Variants in SEC31A observed in about 807,000 individuals in gnomAD.
SEC31A encodes SEC31 homolog A, COPII component.
Under a neutral mutation model 151.0 loss-of-function variants are expected in SEC31A, and 70 were observed. That is an observed-to-expected ratio of 0.46 (90% CI 0.38 to 0.57). SEC31A has a LOEUF of 0.57. Among genes scored for constraint, SEC31A ranks in the 20% least tolerant of loss-of-function variants. The pLI, the probability that SEC31A is intolerant of heterozygous loss-of-function variation, is 0.00. For synonymous variants in SEC31A, 475 were observed against 505.9 expected, an observed-to-expected ratio of 0.94 and a Z score of 0.82; for missense variants, 1,330 against 1,471.2, an observed-to-expected ratio of 0.90 and a Z score of 1.57.
At chr4:82,844,210 A>G (rs1729544256) in intron 21 of SEC31A, 176 bp downstream of exon 21, 2 of 594,484 alleles carry the variant, frequency 3.4e-6, no homozygotes. Context: ...ACTTCCTAGC[A>G]TAGTGATTCA....
chr4:82,894,376 T>C (rs1160385488), upstream of SEC31A: 2 of 152,238 alleles, frequency 1.3e-5, no homozygotes, highest in African/African-American at 2.4e-5. Flanking sequence ...TTATTTAAAA[T>C]TTCCATTGAA....
At chr4:82,868,808 A>G (rs764986468) in intron 8 of SEC31A, among the ~76,000 whole-genome samples, 10 of 151,234 alleles carry the variant, frequency 6.6e-5, no homozygotes, top group Non-Finnish European at 1.2e-4. Context: ...CGATCCTCCT[A>G]TGTCAGCCTC....
intron 20 of SEC31A, among the ~76,000 whole-genome samples, chr4:82,848,517 T>C (rs1015795997): frequency 6.6e-6 from 1 of 152,206 alleles, no homozygotes; most frequent in Non-Finnish European, 1.5e-5. Context: ...TAATAGTAGA[T>C]GTACATGTTT....
At chr4:82,827,343 T>A in intron 24 of SEC31A, 26 bp downstream of exon 24, 1 of 1,606,496 alleles carries the variant, frequency 6.2e-7, no homozygotes, top group South Asian at 1.1e-5. Context: ...CATCTTCCCA[T>A]TCCACTTCTA....
At position 82,842,428 on chromosome 4, in the gene SEC31A, G is replaced by C. The variant is rs1220138554; in HGVS notation, c.2680C>G (p.Arg894Gly). ...PFGTGGSAMY[R>G]PQQPVAPPTS... ...GGAGGAGCAACAGGCTGCTGAGGTC[G>C]ATACATTGCTGACCCCCCTGTTCCG... Residue 894 changes from arginine to glycine, a missense_variant, in exon 22 of 27, where the codon CGA becomes GGA. Coordinates refer to ENST00000395310, the MANE Select transcript of SEC31A (RefSeq NM_001077207.4). 3 of 1,613,822 alleles carry C rather than the reference G, an allele frequency of 1.9e-6. No homozygotes were observed. In the East Asian group the frequency reaches 6.7e-5, roughly 36 times the overall value.
In SEC31A at chr4:82,856,816, T is replaced by G. The variant is rs1308015784; in HGVS notation, c.1881+136A>C. ...ATCATGCCAAAATGCCAACAACTAT[T>G]TCCAGGTCAAGGAATTATGAATGAG... On this transcript the variant is annotated intron_variant, in intron 16 of 26. Coordinates refer to ENST00000395310, the MANE Select transcript of SEC31A (RefSeq NM_001077207.4). 4 of 724,040 alleles carry G rather than the reference T, an allele frequency of 5.5e-6. No individual in the cohort carries two copies. The African/African-American group carries it at 7.3e-5, about 13-fold the overall frequency. 44.9% of individuals were successfully genotyped at this position (724,040 alleles called of 1,614,324 possible). A position where few individuals can be genotyped will look rare whatever the true frequency, so the allele number is the denominator to read the frequency against.
intron 8 of SEC31A, among the ~76,000 whole-genome samples, chr4:82,868,703 T>C (rs1046304241): frequency 6.6e-6 from 1 of 152,132 alleles, no homozygotes; most frequent in Non-Finnish European, 1.5e-5. Flanking sequence ...CTTTTTCTTT[T>C]TTTTATTTTT....
intron 14 of SEC31A, 135 bp downstream of exon 14, chr4:82,861,496 C>A: frequency 1.7e-6 from 1 of 591,724 alleles, no homozygotes. Context: ...AGATTCCTAT[C>A]CTAAACATCT....
At chr4:82,897,218 G>A (rs537415605) in intron 3 of SEC31A, among the ~76,000 whole-genome samples, 24 of 152,170 alleles carry the variant, frequency 1.6e-4, no homozygotes, top group Non-Finnish European at 2.5e-4. Context: ...GTTTTGGAGC[G>A]TATTAGGGTG....
intron 2 of SEC31A, among the ~76,000 whole-genome samples, chr4:82,881,395 G>GAGAA (rs1388338094): frequency 5.3e-5 from 8 of 152,036 alleles, no homozygotes; most frequent in Non-Finnish European, 1.2e-4. Flanking sequence ...AACCAGGGAG[G>GAGAA]TGGAGCTTGC....
chr4:82,848,966 C>A lies in SEC31A; in HGVS notation c.2340G>T (p.Met780Ile). 1 of 1,612,956 alleles carries A rather than the reference C, an allele frequency of 6.2e-7. No individual in the cohort carries two copies. The highest frequency in any genetic ancestry group is 8.5e-7 in the Non-Finnish European group (1 of 1,179,550). ...CTCTACAAAGTCTGTCACGAAGCTGCATGATATTTGGCTAAAAAGGATTGG... is the reference window on the plus strand; with the variant it reads ...CTCTACAAAGTCTGTCACGAAGCTGAATGATATTTGGCTAAAAAGGATTGG... ...LPDNTNQPNI[M>I]QLRDRLCRAQ... is the part of the protein sequence containing the mutation. The change falls in exon 20 of 27, where the codon ATG (methionine) becomes ATT (isoleucine). Residue 780 changes from methionine to isoleucine, a missense_variant. Coordinates refer to ENST00000395310, the MANE Select transcript of SEC31A (RefSeq NM_001077207.4).
intron 19 of SEC31A, 85 bp downstream of exon 19, chr4:82,851,346 T>G: frequency 9.4e-7 from 1 of 1,064,744 alleles, no homozygotes; most frequent in African/African-American, 1.6e-5. Context: ...ACATTCTACC[T>G]ACTAATATGT....
chr4:82,832,978 A>G (rs1158933592), intron 22 of SEC31A, among the ~76,000 whole-genome samples: 1 of 152,208 alleles, frequency 6.6e-6, no homozygotes, highest in Admixed American at 6.5e-5. Flanking sequence ...TAGTTCAACC[A>G]TTGTGGAAGA....
chr4:82,841,975 A>C (rs572358327), intron 22 of SEC31A, among the ~76,000 whole-genome samples, 165 bp downstream of exon 22: 26 of 151,978 alleles, frequency 1.7e-4, no homozygotes, highest in South Asian at 4.2e-4. Flanking sequence ...CCATCACAAA[A>C]AAAAAAACCA....
chr4:82,878,387 G>A (rs1344197419), intron 4 of SEC31A, among the ~76,000 whole-genome samples: 8 of 152,048 alleles, frequency 5.3e-5, no homozygotes, highest in Non-Finnish European at 1.2e-4. Flanking sequence ...CCAGCTACTC[G>A]GGAGGCTGAG....
At chr4:82,886,922 T>C (rs1037371202) in intron 1 of SEC31A, among the ~76,000 whole-genome samples, 1 of 152,234 alleles carries the variant, frequency 6.6e-6, no homozygotes, top group South Asian at 2.1e-4. Flanking sequence ...TCAAAACTTT[T>C]ACCCCTTTTT....
chr4:82,878,233 C>A (rs1032898929), intron 4 of SEC31A, among the ~76,000 whole-genome samples: 2 of 151,960 alleles, frequency 1.3e-5, no homozygotes, highest in African/African-American at 4.8e-5. Flanking sequence ...CAGTGGCTCA[C>A]GTCTGTAATC....
rs1732957451 is a variant in SEC31A at position 82,857,600 on chromosome 4, C to G, written c.1702+89G>C. On this transcript the variant is annotated intron_variant, in intron 15 of 26. Coordinates refer to ENST00000395310, the MANE Select transcript of SEC31A (RefSeq NM_001077207.4). ...GGACTATAAGCATGCACCACAGCACCTGACTTGAAGCATTTTAACTTAAAT... is the reference window on the plus strand; with the variant it reads ...GGACTATAAGCATGCACCACAGCACGTGACTTGAAGCATTTTAACTTAAAT... 8 of 870,532 alleles carry G rather than the reference C, an allele frequency of 9.2e-6. No individual in the cohort carries two copies. The East Asian group carries it at 2.0e-4, about 22-fold the overall frequency. The allele number at this position is 870,532 out of a possible 1,614,324, so 53.9% of individuals were successfully genotyped here.
chr4:82,889,269 CCTTACAGGAGTTTTTAA>C (rs1741676404), intron 1 of SEC31A, among the ~76,000 whole-genome samples: 1 of 151,990 alleles, frequency 6.6e-6, no homozygotes. Context: ...AGTAATATCC[CCTTACAGGAGTTTTTAA>C]CTTGTAAACT....
Sources: gnomAD v4.1 joint callset for allele counts (sites outside exome capture counted in the v4.1 genomes callset) on GRCh38, gnomAD v4.1.1 for gene constraint, MANE v1.5 for transcripts, NCBI Gene and HGNC (gene_info 2026-07-23, HGNC 2026-07-21) for gene names.